Variants in THSD7B observed in about 807,000 individuals in gnomAD.
The protein encoded by THSD7B is thrombospondin type-1 domain-containing protein 7B.
A neutral mutation model predicts 213.6 loss-of-function variants in THSD7B; 138 were observed. That is an observed-to-expected ratio of 0.65 (90% confidence interval 0.56 to 0.74). THSD7B has a LOEUF of 0.74. Ranked by LOEUF, THSD7B falls within the 30% of genes least tolerant of loss-of-function variation. THSD7B has a pLI of 0.00. For synonymous variants in THSD7B, 742 were observed against 687.0 expected (o/e 1.08, Z -1.25); for missense variants, 1,931 against 1,991.5 (o/e 0.97, Z 0.58).
At chr2:137,128,116 A>G (rs1214297438) in intron 5 of THSD7B, among the ~76,000 whole-genome samples, 3 of 152,140 alleles carry the variant, frequency 2.0e-5, no homozygotes, top group Admixed American at 6.5e-5. Flanking sequence ...AACACTACAG[A>G]TACTTTATTT....
At chr2:136,935,818 A>G (rs1684715804) in intron 2 of THSD7B, among the ~76,000 whole-genome samples, 1 of 151,470 alleles carries the variant, frequency 6.6e-6, no homozygotes, top group South Asian at 2.1e-4. Flanking sequence ...AATTATGGCC[A>G]GGTATGCTTG....
chr2:137,663,246 C>T, intron 25 of THSD7B, 137 bp from the exon 26 acceptor site: 1 of 575,200 alleles, frequency 1.7e-6, no homozygotes, highest in Non-Finnish European at 2.7e-6. Context: ...ATTTTCATGT[C>T]ACTGGTAAGT....
chr2:137,210,914 T>C (rs1202855588), intron 7 of THSD7B, among the ~76,000 whole-genome samples: 1 of 152,100 alleles, frequency 6.6e-6, no homozygotes, highest in African/African-American at 2.4e-5. Flanking sequence ...CTTTCATTTA[T>C]TCTGAATAAT....
At chr2:137,649,145 T>C (rs1188020251) in intron 21 of THSD7B, among the ~76,000 whole-genome samples, 1 of 152,212 alleles carries the variant, frequency 6.6e-6, no homozygotes, top group African/African-American at 2.4e-5. Flanking sequence ...GTTGAGTTCT[T>C]TGAACTATTT....
intron 1 of THSD7B, among the ~76,000 whole-genome samples, chr2:136,878,272 A>G (rs1478312505): frequency 1.3e-5 from 2 of 152,196 alleles, no homozygotes; most frequent in African/African-American, 4.8e-5. Context: ...GCTGCATAGT[A>G]TTCCATGGTG....
intron 6 of THSD7B, among the ~76,000 whole-genome samples, chr2:137,167,110 G>T (rs1403056242): frequency 6.6e-6 from 1 of 152,118 alleles, no homozygotes; most frequent in East Asian, 1.9e-4. Flanking sequence ...GAGAGGAAGA[G>T]CAAATGAAGT....
intron 2 of THSD7B, among the ~76,000 whole-genome samples, chr2:136,978,276 G>A (rs1685516632): frequency 6.6e-6 from 1 of 152,150 alleles, no homozygotes; most frequent in Non-Finnish European, 1.5e-5. Flanking sequence ...TTGTTTTGGA[G>A]TGGAGAATTT....
At chr2:137,503,320 A>G (rs1679753584) in intron 15 of THSD7B, among the ~76,000 whole-genome samples, 1 of 152,166 alleles carries the variant, frequency 6.6e-6, no homozygotes, top group Non-Finnish European at 1.5e-5. Flanking sequence ...TATAAAAAAC[A>G]TTCCTCACAA....
intron 20 of THSD7B, 34 bp downstream of exon 20, chr2:137,620,760 G>T (rs199813556): frequency 1.3e-6 from 2 of 1,540,924 alleles, no homozygotes; most frequent in East Asian, 2.2e-5. Flanking sequence ...ACTAACTAGT[G>T]TAGGTTTCTA....
rs1415355355 is a variant in THSD7B at position 137,563,967 on chromosome 2, T to C, written c.3272+613T>C. On this transcript the variant is annotated intron_variant, in intron 16 of 27. Coordinates refer to ENST00000409968, the MANE Select transcript of THSD7B (RefSeq NM_001316349.2). ...ACATGGTCTGAGTTTGTCAAGATGG[T>C]CTATTTTGAAATGATTTTGAAAGAA... Among the ~76,000 whole-genome samples, 5 of 152,292 alleles carry C rather than the reference T, an allele frequency of 3.3e-5. No homozygotes were observed. In the East Asian group the frequency reaches 9.7e-4, roughly 29 times the overall value.
At chr2:137,412,597 C>CAAAT (rs1686685255) in intron 14 of THSD7B, among the ~76,000 whole-genome samples, 1 of 24,090 alleles carries the variant, frequency 4.2e-5, no homozygotes, top group Non-Finnish European at 8.9e-5. Context: ...AACTCTGTCT[C>CAAAT]AAAAAAAAAA....
At chr2:137,317,022 T>C (rs1157111434) in intron 12 of THSD7B, among the ~76,000 whole-genome samples, 7 of 152,200 alleles carry the variant, frequency 4.6e-5, no homozygotes, top group Non-Finnish European at 7.4e-5. Context: ...ATTTAGAGTA[T>C]AAATAGAAGT....
At chr2:137,282,062 C>A (rs1243106585) in intron 12 of THSD7B, among the ~76,000 whole-genome samples, 1 of 151,184 alleles carries the variant, frequency 6.6e-6, no homozygotes, top group East Asian at 2.0e-4. Flanking sequence ...CTCTCCAGCA[C>A]CTGTTGTTTC....
chr2:136,872,726 A>T (rs1199950315), intron 1 of THSD7B, among the ~76,000 whole-genome samples: 3 of 142,836 alleles, frequency 2.1e-5, no homozygotes, highest in Non-Finnish European at 4.5e-5. Context: ...AGAAAAGGAG[A>T]TTGGGAGGCC....
At chr2:136,948,879 C>T (rs1558863815) in intron 2 of THSD7B, among the ~76,000 whole-genome samples, 1 of 150,782 alleles carries the variant, frequency 6.6e-6, no homozygotes, top group Non-Finnish European at 1.5e-5. Context: ...AAAACATTGG[C>T]TTTTTTGTTC....
intron 12 of THSD7B, among the ~76,000 whole-genome samples, chr2:137,307,651 C>T (rs1683787503): frequency 6.6e-6 from 1 of 152,004 alleles, no homozygotes; most frequent in East Asian, 1.9e-4. Flanking sequence ...CCTGAGAAAC[C>T]AAACATATTT....
chr2:136,892,268 C>A (rs1683874190), intron 2 of THSD7B, among the ~76,000 whole-genome samples: 1 of 152,042 alleles, frequency 6.6e-6, no homozygotes, highest in South Asian at 2.1e-4. Context: ...GGAGGAGTGG[C>A]AAATAATTTA....
intron 16 of THSD7B, among the ~76,000 whole-genome samples, chr2:137,567,241 T>A (rs1681258073): frequency 6.6e-6 from 1 of 151,912 alleles, no homozygotes. Flanking sequence ...CAATCCCAGC[T>A]CACTGCAGCC....
chr2:137,405,827 C>T lies in THSD7B; in HGVS notation c.2695+20C>T, dbSNP rs1686505208. Reference sequence around the variant, plus strand: ...TCACAGGTATAGTGTGCATTTTACTCTTTAGCATCAGGCAAGCTGAACATC... The same window carrying T: ...TCACAGGTATAGTGTGCATTTTACTTTTTAGCATCAGGCAAGCTGAACATC... On this transcript the variant is annotated intron_variant, in intron 13 of 27. Coordinates refer to ENST00000409968, the MANE Select transcript of THSD7B (RefSeq NM_001316349.2). 6 of 1,581,680 alleles carry T rather than the reference C, an allele frequency of 3.8e-6. No individual in the cohort carries two copies. Among genetic ancestry groups the T allele is most frequent in the Middle Eastern group, 1.8e-4 (1 of 5,712 alleles).
Sources: gnomAD v4.1 joint callset for allele counts (sites outside exome capture counted in the v4.1 genomes callset) on GRCh38, gnomAD v4.1.1 for gene constraint, MANE v1.5 for transcripts, NCBI Gene and HGNC (gene_info 2026-07-23, HGNC 2026-07-21) for gene names.